The following CLRN2 variants were observed in gnomAD, a reference collection of about 807,000 sequenced individuals.
The protein encoded by CLRN2 is clarin 2, also known as clarin-2.
CLRN2 carries 17 observed loss-of-function variants against 20.1 expected under a neutral mutation model. The ratio of observed to expected loss-of-function variants is 0.85; its 90% CI spans 0.58 to 1.27. The LOEUF (loss-of-function observed/expected upper bound fraction) is 1.27, where lower values mean the gene tolerates loss of function less well. Among genes scored for constraint, CLRN2 ranks in the 50% most tolerant of loss-of-function variants. The pLI is 0.00. For synonymous variants in CLRN2, 140 were observed against 126.9 expected (o/e 1.10, Z -0.70); for missense variants, 288 against 299.5 (o/e 0.96, Z 0.28).
chr4:17,519,522 G>A (rs1228233536), intron 1 of CLRN2, among the ~76,000 whole-genome samples: 1 of 152,194 alleles, frequency 6.6e-6, no homozygotes. Context: ...GAGAGAGGGT[G>A]TCCATGAGCA....
At position 17,526,891 on chromosome 4, in the gene CLRN2, A is replaced by T. The variant is rs377724281; in HGVS notation, c.508A>T (p.Asn170Tyr). Residue 170 changes from asparagine to tyrosine, a missense_variant, in exon 3 of 3, where the codon AAC (asparagine) becomes TAC (tyrosine). Physicochemically the swap from Asn to Tyr is moderately radical, Grantham distance 143. Coordinates refer to ENST00000511148, the MANE Select transcript of CLRN2 (RefSeq NM_001079827.2). Reference protein sequence around the residue: ...KFHDLTERIANFQEKLFQFVV... With the variant: ...KFHDLTERIAYFQEKLFQFVV... Reference sequence around the variant, plus strand: ...TCACGACCTGACGGAACGAATCGCCAACTTTCAGGAGAAGCTCTTCCAGTT... The same window carrying T: ...TCACGACCTGACGGAACGAATCGCCTACTTTCAGGAGAAGCTCTTCCAGTT... 9 of 1,613,884 alleles carry T rather than the reference A, an allele frequency of 5.6e-6. No homozygotes were observed. The African/African-American group carries it at 1.2e-4, about 22-fold the overall frequency.
intron 2 of CLRN2, among the ~76,000 whole-genome samples, chr4:17,525,341 T>C (rs756059083): frequency 6.6e-6 from 1 of 152,192 alleles, no homozygotes; most frequent in African/African-American, 2.4e-5. Context: ...CACTCATTTA[T>C]AGTCATGCTG....
intron 1 of CLRN2, 117 bp from the exon 2 acceptor site, chr4:17,522,747 G>A (rs746359854): frequency 1.4e-5 from 14 of 1,013,448 alleles, no homozygotes; most frequent in South Asian, 8.5e-5. Flanking sequence ...AAATCCCCAC[G>A]CTTGCTGTCT....
chr4:17,522,893 G>T lies in CLRN2; in HGVS notation c.283G>T (p.Ala95Ser), dbSNP rs201748212. The change falls in exon 2 of 3, where the codon GCA becomes TCA. Residue 95 changes from alanine to serine, a missense_variant. By Grantham distance (99) the Ala-to-Ser change is moderately conservative. Coordinates refer to ENST00000511148, the MANE Select transcript of CLRN2 (RefSeq NM_001079827.2). Reference sequence around the variant, plus strand: ...CCCACACCTGGTGAAGGAGCTCAACGCAGGCCTTCATGTGATGATTCTGCT... The same window carrying T: ...CCCACACCTGGTGAAGGAGCTCAACTCAGGCCTTCATGTGATGATTCTGCT... ...IFPHLVKELN[A>S]GLHVMILLLL... 5.6e-6 allele frequency: 9 copies of T among 1,613,958 alleles called. No individual in the cohort carries two copies. The East Asian group carries it at 1.6e-4, about 28-fold the overall frequency.
At chr4:17,522,662 C>T (rs1711861797) in intron 1 of CLRN2, among the ~76,000 whole-genome samples, 2 of 152,180 alleles carry the variant, frequency 1.3e-5, no homozygotes, top group Admixed American at 6.5e-5. Context: ...CTCTAAGGAA[C>T]AGAGGCTTGT....
intron 1 of CLRN2, among the ~76,000 whole-genome samples, chr4:17,520,073 GC>G (rs1410536206): frequency 6.6e-6 from 1 of 152,020 alleles, no homozygotes; most frequent in African/African-American, 2.4e-5. Flanking sequence ...GAGGTCCTGA[GC>G]CCTGTGTTAT....
chr4:17,519,194 A>T (rs1391793995), intron 1 of CLRN2, among the ~76,000 whole-genome samples: 2 of 150,812 alleles, frequency 1.3e-5, no homozygotes, highest in Admixed American at 6.6e-5. Flanking sequence ...ATGCTGATAG[A>T]TGCATCATAT....
chr4:17,524,188 A>G (rs947940803), intron 2 of CLRN2, among the ~76,000 whole-genome samples: 2 of 138,714 alleles, frequency 1.4e-5, no homozygotes, highest in Non-Finnish European at 3.1e-5. Flanking sequence ...CTGTTTTCCA[A>G]GCCAAAAACT....
chr4:17,517,565 G>A (rs1379466406), intron 1 of CLRN2, among the ~76,000 whole-genome samples: 1 of 152,138 alleles, frequency 6.6e-6, no homozygotes, highest in African/African-American at 2.4e-5. Flanking sequence ...TGCATATTTT[G>A]TTTGAGCCTT....
intron 1 of CLRN2, among the ~76,000 whole-genome samples, chr4:17,516,770 GACA>G (rs1392690894): frequency 2.8e-5 from 4 of 143,282 alleles, no homozygotes; most frequent in Non-Finnish European, 6.3e-5. Flanking sequence ...AGCTAACCAT[GACA>G]ACTACATGGA....
intron 2 of CLRN2, among the ~76,000 whole-genome samples, chr4:17,523,467 A>G (rs528998370): frequency 6.6e-5 from 10 of 152,160 alleles, no homozygotes; most frequent in Admixed American, 2.6e-4. Context: ...CACCTGTCTT[A>G]GCCTCCCAAA....
chr4:17,523,045 T>C lies in CLRN2; in HGVS notation c.433+2T>C, dbSNP rs1273143353. The C allele has an allele frequency of 5.6e-6, 9 of 1,609,984 alleles. No individual in the cohort carries two copies. On this transcript the variant is annotated splice_donor_variant, in intron 2 of 2. Coordinates refer to ENST00000511148, the MANE Select transcript of CLRN2 (RefSeq NM_001079827.2). LOFTEE classifies it high-confidence loss of function. The stretch of plus-strand genomic sequence containing the variant: ...TCTGCCTATGGAATGTCCTGGCAGG[T>C]AAGAAGTCCCTTAGGGAGAGAAAAT...
At chr4:17,520,426 T>A (rs1209879691) in intron 1 of CLRN2, among the ~76,000 whole-genome samples, 6 of 152,222 alleles carry the variant, frequency 3.9e-5, no homozygotes, top group Non-Finnish European at 8.8e-5. Context: ...GTAATGAATA[T>A]CCAATATTTG....
At chr4:17,521,642 C>G (rs976969979) in intron 1 of CLRN2, among the ~76,000 whole-genome samples, 9 of 152,186 alleles carry the variant, frequency 5.9e-5, no homozygotes, top group African/African-American at 1.9e-4. Context: ...ACACAGCCTC[C>G]GGTGTAAAAG....
Position 17,526,959 on chromosome 4 carries a change from C to T in CLRN2, c.576C>T (p.Cys192=), listed in dbSNP as rs1292235439. The change falls in exon 3 of 3, where the codon TGC becomes TGT. Residue 192 remains cysteine, a synonymous_variant. Transcript: ENST00000511148. ...EEQYEESFWI[C]VASASAHAAN... ...AGTATGAAGAGTCGTTTTGGATCTG[C>T]GTGGCCAGCGCTTCGGCCCATGCTG... is the stretch of plus-strand genomic sequence containing the variant. 2 of 1,613,894 alleles carry T rather than the reference C, an allele frequency of 1.2e-6. No homozygotes were observed. Among genetic ancestry groups the T allele is most frequent in the South Asian group, 1.1e-5 (1 of 91,086 alleles).
intron 1 of CLRN2, among the ~76,000 whole-genome samples, chr4:17,521,614 G>A (rs1299822906): frequency 1.3e-5 from 2 of 152,144 alleles, no homozygotes; most frequent in African/African-American, 4.8e-5. Flanking sequence ...TCCAGTTAAC[G>A]GTTTGCAAAC....
Position 17,526,854 on chromosome 4 carries a change from T to C in CLRN2, c.471T>C (p.Ala157=). ...VVALAIASFV[A]AVKFHDLTER... ...CGTTAGCCATCGCCAGCTTCGTGGC[T>C]GCGGTGAAATTTCACGACCTGACGG... is the stretch of plus-strand genomic sequence containing the variant. The change falls in exon 3 of 3, where the codon GCT becomes GCC. Residue 157 remains alanine (A), a synonymous_variant. Transcript: ENST00000511148. 6.2e-7 allele frequency: 1 copy of C among 1,614,020 alleles called. No individual in the cohort carries two copies. The highest frequency in any genetic ancestry group is 8.5e-7 in the Non-Finnish European group (1 of 1,179,872).
intron 1 of CLRN2, among the ~76,000 whole-genome samples, chr4:17,516,040 G>A (rs1333150615): frequency 6.6e-6 from 1 of 152,176 alleles, no homozygotes; most frequent in African/African-American, 2.4e-5. Flanking sequence ...GAACCTTTGG[G>A]AAGCATGATG....
rs777976596 is a variant in CLRN2 at position 17,523,007 on chromosome 4, G to A, written c.397G>A (p.Gly133Ser). Residue 133 changes from glycine to serine, a missense_variant, in exon 2 of 3, where the codon GGT becomes AGT. Coordinates refer to ENST00000511148, the MANE Select transcript of CLRN2 (RefSeq NM_001079827.2). The stretch of plus-strand genomic sequence containing the variant: ...CCAGGTCCCGTACCGGGCAGTCAGC[G>A]GTCCTGGGGGCATCTGCCTATGGAA... ...MIQVPYRAVS[G>S]PGGICLWNVL... is the part of the protein sequence containing the mutation. 6.8e-6 allele frequency: 11 copies of A among 1,613,436 alleles called. No individual in the cohort carries two copies. The highest frequency in any genetic ancestry group is 3.3e-5 in the South Asian group (3 of 91,036).
Sources: allele counts gnomAD v4.1 joint callset (sites outside exome capture counted in the v4.1 genomes callset), GRCh38; gene constraint gnomAD v4.1.1; transcripts MANE v1.5; gene names NCBI Gene and HGNC (gene_info 2026-07-23, HGNC 2026-07-21).